Variants in CEP112 observed in about 807,000 individuals in gnomAD.
CEP112 encodes the protein centrosomal protein of 112 kDa.
In CEP112, 127 loss-of-function variants were observed where a neutral mutation model predicts 153.0. The ratio of observed to expected loss-of-function variants is 0.83; its 90% CI spans 0.72 to 0.96. The LOEUF (loss-of-function observed/expected upper bound fraction) is 0.96. Among genes scored for constraint, CEP112 ranks in the 40% least tolerant of loss-of-function variants. The pLI is 0.00. For synonymous variants in CEP112, 358 were observed against 374.4 expected (o/e 0.96, Z 0.51); for missense variants, 1,089 against 1,101.2 (o/e 0.99, Z 0.16).
intron 24 of CEP112, among the ~76,000 whole-genome samples, chr17:65,678,870 G>A (rs1427988940): frequency 1.3e-5 from 2 of 152,136 alleles, no homozygotes; most frequent in Non-Finnish European, 2.9e-5. Context: ...TCAGCCCAGT[G>A]AGGTTAAAAA....
At chr17:65,803,638 A>G (rs1028366254) in intron 21 of CEP112, among the ~76,000 whole-genome samples, 4 of 152,212 alleles carry the variant, frequency 2.6e-5, no homozygotes, top group African/African-American at 9.6e-5. Context: ...ATCACATGCC[A>G]TCTTAAAAGG....
At chr17:65,945,709 C>T (rs573229484) in intron 18 of CEP112, among the ~76,000 whole-genome samples, 52 of 152,046 alleles carry the variant, frequency 3.4e-4, no homozygotes, top group African/African-American at 1.1e-3. Flanking sequence ...TGTAATGGTG[C>T]GATCTCGGCT....
intron 12 of CEP112, among the ~76,000 whole-genome samples, chr17:66,031,129 A>C (rs1962202593): frequency 6.6e-6 from 1 of 152,168 alleles, no homozygotes; most frequent in African/African-American, 2.4e-5. Context: ...CCTGCATCTT[A>C]TTCACTTTGT....
At chr17:65,791,447 T>C (rs1416435271) in intron 21 of CEP112, among the ~76,000 whole-genome samples, 3 of 152,178 alleles carry the variant, frequency 2.0e-5, no homozygotes, top group Non-Finnish European at 4.4e-5. Context: ...ACCACTGTTC[T>C]AGCTAATGAG....
intron 24 of CEP112, among the ~76,000 whole-genome samples, chr17:65,648,522 C>T (rs996410596): frequency 3.3e-5 from 5 of 152,206 alleles, no homozygotes; most frequent in Admixed American, 2.6e-4. Flanking sequence ...CCATCCCTAA[C>T]TAGAGTTTCA....
At chr17:65,638,013 T>C (rs998570336) in intron 25 of CEP112, among the ~76,000 whole-genome samples, 3 of 152,200 alleles carry the variant, frequency 2.0e-5, no homozygotes, top group Admixed American at 2.0e-4. Flanking sequence ...TCTGTGGCTC[T>C]AGGAAAATTA....
At chr17:66,135,838 T>TATATAGATATAGATATAGATATAG (rs3031740) in intron 4 of CEP112, among the ~76,000 whole-genome samples, 3 of 151,644 alleles carry the variant, frequency 2.0e-5, no homozygotes, top group African/African-American at 7.3e-5. Flanking sequence ...AATGATACTA[T>TATATAGATATAGATATAGATATAG]ATATAGATAT....
At position 65,776,313 on chromosome 17, in the gene CEP112, C is replaced by CAA. The variant is rs1167163018; in HGVS notation, c.2395-25591_2395-25590dup. Reference sequence around the variant, plus strand: ...GCAGTGGTGCAATCTCGGCTTGCTGCAAGCTCCGCCTCCCGAGTTCACACC... The same window carrying CAA: ...GCAGTGGTGCAATCTCGGCTTGCTGCAAAAGCTCCGCCTCCCGAGTTCACACC... On this transcript the variant is annotated intron_variant, in intron 21 of 26. Transcript: ENST00000535342. Among the ~76,000 whole-genome samples, 15 of 151,686 alleles carry CAA rather than the reference C, an allele frequency of 9.9e-5. No homozygotes were observed. In the East Asian group the frequency reaches 2.9e-3, roughly 29 times the overall value.
intron 11 of CEP112, among the ~76,000 whole-genome samples, chr17:66,060,016 C>A (rs2066861103): frequency 1.3e-5 from 2 of 152,048 alleles, no homozygotes; most frequent in East Asian, 1.9e-4. Flanking sequence ...CAGCTGGTGG[C>A]CATAATCCTA....
chr17:66,000,477 A>C (rs1247451749), intron 17 of CEP112, among the ~76,000 whole-genome samples: 2 of 140,176 alleles, frequency 1.4e-5, no homozygotes, highest in East Asian at 4.6e-4. Context: ...TTACTAGAGC[A>C]ACTTGTCAGT....
intron 24 of CEP112, among the ~76,000 whole-genome samples, chr17:65,664,145 A>G (rs980747785): frequency 9.2e-5 from 14 of 152,340 alleles, no homozygotes; most frequent in African/African-American, 3.4e-4. Flanking sequence ...ATCTTTGGCC[A>G]TGGCATTGCT....
intron 24 of CEP112, among the ~76,000 whole-genome samples, chr17:65,670,432 C>T (rs913982287): frequency 1.3e-5 from 2 of 151,064 alleles, no homozygotes; most frequent in Admixed American, 1.3e-4. Flanking sequence ...TATTAATATA[C>T]ACAAATGCAA....
Position 66,084,363 on chromosome 17 carries a change from T to C in CEP112, c.768+11888A>G, listed in dbSNP as rs181619259. Among the ~76,000 whole-genome samples, 116 of 152,304 alleles carry C rather than the reference T, an allele frequency of 7.6e-4. 2 individuals carry two copies. In the South Asian group the frequency reaches 8.5e-3, roughly 11 times the overall value. Reference sequence around the variant, plus strand: ...TATTGAAGAGATATTTGCACTCCCATGTTTATTGCAGCACTAATAACAATA... The same window carrying C: ...TATTGAAGAGATATTTGCACTCCCACGTTTATTGCAGCACTAATAACAATA... On this transcript the variant is annotated intron_variant, in intron 8 of 26. Transcript: ENST00000535342.
intron 8 of CEP112, among the ~76,000 whole-genome samples, chr17:66,080,905 C>T (rs2067690731): frequency 6.6e-6 from 1 of 152,046 alleles, no homozygotes; most frequent in South Asian, 2.1e-4. Flanking sequence ...AGCAAACTAA[C>T]ACAAGAACAG....
chr17:65,775,663 C>T (rs1338725930), intron 21 of CEP112, among the ~76,000 whole-genome samples: 1 of 151,934 alleles, frequency 6.6e-6, no homozygotes, highest in Non-Finnish European at 1.5e-5. Flanking sequence ...CCACCACACC[C>T]GGCTAATTTT....
chr17:65,836,855 C>A (rs1015420884), intron 21 of CEP112, among the ~76,000 whole-genome samples: 2 of 151,430 alleles, frequency 1.3e-5, no homozygotes, highest in East Asian at 1.9e-4. Flanking sequence ...GATGCCCAGC[C>A]GAGGCTGGAC....
chr17:66,171,732 T>C (rs780613415), intron 4 of CEP112, among the ~76,000 whole-genome samples: 20 of 152,192 alleles, frequency 1.3e-4, no homozygotes, highest in Non-Finnish European at 2.2e-4. Flanking sequence ...AAACTACAAA[T>C]ATCTGTTAAC....
At chr17:65,862,876 T>G (rs1164295737) in intron 20 of CEP112, among the ~76,000 whole-genome samples, 1 of 152,198 alleles carries the variant, frequency 6.6e-6, no homozygotes, top group Non-Finnish European at 1.5e-5. Flanking sequence ...ATTTTGCTTT[T>G]TTTGTGAATA....
chr17:65,969,454 AT>A (rs1246944897), intron 17 of CEP112, among the ~76,000 whole-genome samples: 4 of 152,166 alleles, frequency 2.6e-5, no homozygotes, highest in Non-Finnish European at 1.5e-5. Context: ...CACATCACAC[AT>A]GTATCACATG....
Sources: allele counts gnomAD v4.1 joint callset (sites outside exome capture counted in the v4.1 genomes callset), GRCh38; gene constraint gnomAD v4.1.1; transcripts MANE v1.5; gene names NCBI Gene and HGNC (gene_info 2026-07-23, HGNC 2026-07-21).